The following RAB3GAP2 variants were observed in gnomAD, a reference collection of about 807,000 sequenced individuals.
The protein encoded by RAB3GAP2 is rab3 GTPase-activating protein non-catalytic subunit.
In RAB3GAP2, 87 loss-of-function variants were observed where a neutral mutation model predicts 185.3. The ratio of observed to expected loss-of-function variants is 0.47; its 90% CI spans 0.39 to 0.56. The LOEUF (loss-of-function observed/expected upper bound fraction) is 0.56. RAB3GAP2 is among the 20% of genes least tolerant of loss of function. The pLI, the probability that RAB3GAP2 is intolerant of heterozygous loss-of-function variation, is 0.00. For missense variants in RAB3GAP2, 1,492 were observed against 1,638.2 expected, an observed-to-expected ratio of 0.91 and a Z score of 1.54; for synonymous variants, 554 against 576.1, an observed-to-expected ratio of 0.96 and a Z score of 0.55.
intron 27 of RAB3GAP2, among the ~76,000 whole-genome samples, chr1:220,163,839 T>G (rs1169897087): frequency 1.3e-5 from 2 of 149,824 alleles, no homozygotes; most frequent in Admixed American, 6.7e-5. Flanking sequence ...AAATGGGATA[T>G]TTTACAATTT....
chr1:220,163,343 GTCTGAAGTCAGTTAGTAACTTAAT>G, intron 27 of RAB3GAP2, among the ~76,000 whole-genome samples: 1 of 151,858 alleles, frequency 6.6e-6, no homozygotes, highest in African/African-American at 2.4e-5. Flanking sequence ...AGAAATACTA[GTCTGAAGTCAGTTAGTAACTTAAT>G]TTTTTTTTTT....
intron 31 of RAB3GAP2, among the ~76,000 whole-genome samples, chr1:220,156,395 T>C (rs1193959808): frequency 6.6e-6 from 1 of 152,184 alleles, no homozygotes; most frequent in Non-Finnish European, 1.5e-5. Flanking sequence ...CTCTCAAAAT[T>C]TGACACCTGC....
At chr1:220,190,213 T>C in intron 15 of RAB3GAP2, 67 bp from the exon 16 acceptor site, 1 of 1,523,926 alleles carries the variant, frequency 6.6e-7, no homozygotes, top group Admixed American at 1.7e-5. Flanking sequence ...TCTGACACAC[T>C]CCAACTTTTT....
intron 1 of RAB3GAP2, among the ~76,000 whole-genome samples, chr1:220,269,808 A>T (rs1313828382): frequency 6.6e-6 from 1 of 152,218 alleles, no homozygotes; most frequent in Non-Finnish European, 1.5e-5. Flanking sequence ...AACCAAGAGC[A>T]AAAGCAGGAA....
chr1:220,266,265 C>T, intron 1 of RAB3GAP2: 1 of 237,864 alleles, frequency 4.2e-6, no homozygotes, highest in Non-Finnish European at 8.3e-6. Context: ...GTACTCAGTC[C>T]AACAGCTTTA....
chr1:220,257,382 A>C (rs553347083), intron 1 of RAB3GAP2, among the ~76,000 whole-genome samples: 24 of 152,238 alleles, frequency 1.6e-4, no homozygotes, highest in South Asian at 4.1e-4. Flanking sequence ...CATCTCAAAA[A>C]AAAACAAAAC....
intron 1 of RAB3GAP2, among the ~76,000 whole-genome samples, chr1:220,249,956 G>A (rs761765759): frequency 5.7e-4 from 86 of 152,168 alleles, no homozygotes; most frequent in Admixed American, 2.4e-3. Context: ...TTTGCTGCAG[G>A]GGCAGAACCC....
intron 1 of RAB3GAP2, 150 bp from the exon 2 acceptor site, chr1:220,233,013 G>C: frequency 3.0e-6 from 2 of 660,074 alleles, no homozygotes; most frequent in South Asian, 3.7e-5. Flanking sequence ...CCAGGATTTT[G>C]CTATATGTAA....
intron 1 of RAB3GAP2, among the ~76,000 whole-genome samples, chr1:220,240,537 T>C (rs1344370773): frequency 6.6e-6 from 1 of 152,160 alleles, no homozygotes; most frequent in East Asian, 1.9e-4. Context: ...ATTTGTCATC[T>C]TAAAATATTT....
At chr1:220,216,466 T>A (rs897954078) in intron 2 of RAB3GAP2, among the ~76,000 whole-genome samples, 2 of 152,222 alleles carry the variant, frequency 1.3e-5, no homozygotes, top group Non-Finnish European at 2.9e-5. Flanking sequence ...CTCCTCATGA[T>A]GGCTTGCTGT....
At chr1:220,169,306 A>G (rs767798089) in intron 24 of RAB3GAP2, among the ~76,000 whole-genome samples, 2 of 152,232 alleles carry the variant, frequency 1.3e-5, no homozygotes, top group Non-Finnish European at 2.9e-5. Context: ...CCCAAAGACA[A>G]CTAAAAATGT....
rs1386535961 is a variant in RAB3GAP2 at position 220,170,928 on chromosome 1, T to C, written c.2770A>G (p.Arg924Gly). 1 of 1,614,060 alleles carries C rather than the reference T, an allele frequency of 6.2e-7. No homozygotes were observed. Among genetic ancestry groups the C allele is most frequent in the African/African-American group, 1.3e-5 (1 of 74,930 alleles). Reference sequence around the variant, plus strand: ...TCTAATAACTTTTTAACAGAAAGCCTTGGAAGTGGCTCAGCCTGCAGTGAT... The same window carrying C: ...TCTAATAACTTTTTAACAGAAAGCCCTGGAAGTGGCTCAGCCTGCAGTGAT... ...VSSLQAEPLP[R>G]LSVKKLLEGG... The change falls in exon 24 of 35, where the codon AGG (arginine) becomes GGG (glycine). Residue 924 changes from arginine to glycine, a missense_variant. Around this residue, in one of 5 missense-constraint regions of RAB3GAP2, gnomAD observed 681 missense variants for 689.1 expected, o/e 0.99. Coordinates refer to ENST00000358951, the MANE Select transcript of RAB3GAP2 (RefSeq NM_012414.4).
rs1395762800 is a variant in RAB3GAP2 at position 220,167,611 on chromosome 1, T to C, written c.2871A>G (p.Lys957=). The C allele has an allele frequency of 6.2e-7, 1 of 1,614,130 alleles. No homozygotes were observed. The highest frequency in any genetic ancestry group is 2.2e-5 in the East Asian group (1 of 44,886). Reference sequence around the variant, plus strand: ...CTGCATCTCTTTCTTCATTAGCCAGTTTTAATACTTCAGGGCTGAAGTCCT... The same window carrying C: ...CTGCATCTCTTTCTTCATTAGCCAGCTTTAATACTTCAGGGCTGAAGTCCT... The part of the protein sequence containing the change: ...FKQDFSPEVL[K]LANEERDAEN... The change falls in exon 25 of 35, where the codon AAA becomes AAG. Residue 957 remains lysine, a synonymous_variant. Coordinates refer to ENST00000358951, the MANE Select transcript of RAB3GAP2 (RefSeq NM_012414.4).
intron 2 of RAB3GAP2, among the ~76,000 whole-genome samples, chr1:220,222,281 A>G (rs1659323068): frequency 6.6e-6 from 1 of 152,126 alleles, no homozygotes; most frequent in Non-Finnish European, 1.5e-5. Flanking sequence ...CTTTTTTTAG[A>G]TAGCAGAACT....
chr1:220,227,151 T>C (rs1326460074), intron 2 of RAB3GAP2, among the ~76,000 whole-genome samples: 3 of 152,190 alleles, frequency 2.0e-5, no homozygotes, highest in Non-Finnish European at 4.4e-5. Context: ...AATACAGACA[T>C]GAAATAGCTA....
In RAB3GAP2 at chr1:220,172,502, C is replaced by T. The variant is rs1043658922; in HGVS notation, c.2416+135G>A. On this transcript the variant is annotated intron_variant, in intron 22 of 34. Transcript: ENST00000358951. ...ATGCATTAAGAGTATTCTATTAATA[C>T]ATAAAAGAATCTCTACGGTGAAATG... 15 of 654,118 alleles carry T rather than the reference C, an allele frequency of 2.3e-5. No individual in the cohort carries two copies. The Admixed American group carries it at 3.4e-4, about 15-fold the overall frequency. The allele number at this position is 654,118 out of a possible 1,614,324, so 40.5% of individuals were successfully genotyped here.
At chr1:220,244,779 A>G (rs929953710) in intron 1 of RAB3GAP2, among the ~76,000 whole-genome samples, 6 of 152,180 alleles carry the variant, frequency 3.9e-5, no homozygotes, top group African/African-American at 1.4e-4. Context: ...GATCTTTGGC[A>G]AAGCAGAATG....
At chr1:220,163,654 G>A (rs1218152552) in intron 27 of RAB3GAP2, among the ~76,000 whole-genome samples, 7 of 149,948 alleles carry the variant, frequency 4.7e-5, no homozygotes, top group African/African-American at 9.8e-5. Flanking sequence ...GAGCCACTGC[G>A]TCCGGCAGTA....
At chr1:220,267,906 G>A (rs532290315) in intron 1 of RAB3GAP2, 120 of 757,922 alleles carry the variant, frequency 1.6e-4, no homozygotes, top group African/African-American at 1.5e-3. Flanking sequence ...GTTTTCTTCA[G>A]ATTGGTCCGT....
Sources: gnomAD v4.1 joint callset for allele counts (sites outside exome capture counted in the v4.1 genomes callset) on GRCh38, gnomAD v4.1.1 for gene constraint, gnomAD v4.1.1 regional missense constraint, MANE v1.5 for transcripts, NCBI Gene and HGNC (gene_info 2026-07-23, HGNC 2026-07-21) for gene names.